The following TMEM132D variants were observed in gnomAD, a reference collection of about 807,000 sequenced individuals.
TMEM132D encodes the protein transmembrane protein 132D, also known as mature OL transmembrane protein.
A neutral mutation model predicts 62.3 loss-of-function variants in TMEM132D; 21 were observed. The observed-to-expected ratio is 0.34, with a 90% CI of 0.24 to 0.49. The LOEUF (loss-of-function observed/expected upper bound fraction) is 0.49, where lower values mean the gene tolerates loss of function less well. Among genes scored for constraint, TMEM132D ranks in the 20% least tolerant of loss-of-function variants. TMEM132D has a pLI of 0.99. For missense variants in TMEM132D, 1,346 were observed against 1,402.8 expected (o/e 0.96, Z 0.65); for synonymous variants, 621 against 575.6 (o/e 1.08, Z -1.13).
chr12:129,487,936 CAAAAAAAAAAAAAA>C (rs58079383), intron 3 of TMEM132D, among the ~76,000 whole-genome samples: 1 of 54,690 alleles, frequency 1.8e-5, no homozygotes, highest in African/African-American at 8.1e-5. Context: ...GACTCCATCT[CAAAAAAAAAAAAAA>C]AAAAAAAAAA....
At chr12:129,507,858 A>C (rs1875384031) in intron 3 of TMEM132D, among the ~76,000 whole-genome samples, 1 of 152,188 alleles carries the variant, frequency 6.6e-6, no homozygotes, top group Non-Finnish European at 1.5e-5. Context: ...AACCTATGGA[A>C]ACAAAAAACA....
At chr12:129,518,966 T>C (rs529108733) in intron 3 of TMEM132D, among the ~76,000 whole-genome samples, 13 of 152,192 alleles carry the variant, frequency 8.5e-5, no homozygotes, top group African/African-American at 2.4e-4. Context: ...TAGGAAGTTC[T>C]TTGAAGCTTT....
chr12:129,550,323 C>A (rs1335819942), intron 2 of TMEM132D, among the ~76,000 whole-genome samples: 1 of 152,106 alleles, frequency 6.6e-6, no homozygotes, highest in African/African-American at 2.4e-5. Context: ...AGGATTAATT[C>A]CTCTGCCTTT....
chr12:129,706,342 G>T (rs1881506897), intron 1 of TMEM132D, among the ~76,000 whole-genome samples: 1 of 151,120 alleles, frequency 6.6e-6, no homozygotes, highest in Non-Finnish European at 1.5e-5. Flanking sequence ...AGAAAACTGG[G>T]GTCACAACTT....
chr12:129,122,817 T>G (rs1391592908), intron 5 of TMEM132D, among the ~76,000 whole-genome samples: 2 of 152,230 alleles, frequency 1.3e-5, no homozygotes, highest in Non-Finnish European at 2.9e-5. Flanking sequence ...AATGCCTTAC[T>G]TATTTGACAT....
intron 1 of TMEM132D, among the ~76,000 whole-genome samples, chr12:129,876,494 A>G (rs1874420839): frequency 6.6e-6 from 1 of 152,192 alleles, no homozygotes; most frequent in Non-Finnish European, 1.5e-5. Flanking sequence ...TCATGAACAC[A>G]TTTGTCAGGA....
chr12:129,545,588 A>C (rs1343387892), intron 2 of TMEM132D, among the ~76,000 whole-genome samples: 5 of 152,074 alleles, frequency 3.3e-5, no homozygotes, highest in Non-Finnish European at 5.9e-5. Context: ...CATAACTGAG[A>C]CTTCATGCCC....
intron 4 of TMEM132D, among the ~76,000 whole-genome samples, chr12:129,293,239 T>C (rs1336474326): frequency 6.6e-6 from 1 of 152,206 alleles, no homozygotes; most frequent in East Asian, 1.9e-4. Flanking sequence ...CAGTTCACCA[T>C]GTAGGTGGGG....
At chr12:129,546,665 G>A (rs921819833) in intron 2 of TMEM132D, among the ~76,000 whole-genome samples, 3 of 152,064 alleles carry the variant, frequency 2.0e-5, no homozygotes, top group African/African-American at 7.2e-5. Flanking sequence ...GCCAGGCGTG[G>A]TGGCATACAC....
intron 2 of TMEM132D, among the ~76,000 whole-genome samples, chr12:129,581,320 T>C (rs532744146): frequency 6.6e-6 from 1 of 152,306 alleles, no homozygotes; most frequent in Admixed American, 6.5e-5. Flanking sequence ...ACTAGGGTTC[T>C]CTAGAGGGAC....
intron 1 of TMEM132D, among the ~76,000 whole-genome samples, chr12:129,761,284 A>G (rs1303641877): frequency 1.3e-5 from 2 of 152,058 alleles, no homozygotes; most frequent in African/African-American, 4.8e-5. Flanking sequence ...GACCACCATG[A>G]TGAAAGACGG....
intron 3 of TMEM132D, among the ~76,000 whole-genome samples, chr12:129,423,463 A>G (rs563768444): frequency 6.6e-6 from 1 of 152,312 alleles, no homozygotes; most frequent in African/African-American, 2.4e-5. Context: ...TTGGGTTAGC[A>G]AATGGATTTC....
chr12:129,115,525 C>T (rs1353492601), intron 5 of TMEM132D, among the ~76,000 whole-genome samples: 2 of 152,104 alleles, frequency 1.3e-5, no homozygotes, highest in East Asian at 1.9e-4. Flanking sequence ...AGAGGGCTGG[C>T]GTCAGGGCAT....
chr12:129,318,217 C>T (rs1053502664), intron 4 of TMEM132D, among the ~76,000 whole-genome samples: 2 of 152,066 alleles, frequency 1.3e-5, no homozygotes, highest in Non-Finnish European at 2.9e-5. Context: ...ATTGAAGAGC[C>T]TTGTTTTGTC....
At chr12:129,145,434 G>T (rs796222338) in intron 5 of TMEM132D, among the ~76,000 whole-genome samples, 2 of 152,260 alleles carry the variant, frequency 1.3e-5, no homozygotes, top group East Asian at 1.9e-4. Flanking sequence ...ATGGGCAGGT[G>T]CATTTGCTAG....
chr12:129,801,201 G>A (rs1871767756), intron 1 of TMEM132D, among the ~76,000 whole-genome samples: 1 of 152,220 alleles, frequency 6.6e-6, no homozygotes, highest in African/African-American at 2.4e-5. Flanking sequence ...CTCCAACTGG[G>A]TGGAGCCCAC....
chr12:129,685,712 G>A (rs1424582859), intron 2 of TMEM132D, among the ~76,000 whole-genome samples: 2 of 152,154 alleles, frequency 1.3e-5, no homozygotes, highest in African/African-American at 2.4e-5. Context: ...TCTGCCACAT[G>A]CCCTGAAAAG....
chr12:129,742,741 A>C (rs1037112411), intron 1 of TMEM132D, among the ~76,000 whole-genome samples: 1 of 152,154 alleles, frequency 6.6e-6, no homozygotes, highest in African/African-American at 2.4e-5. Flanking sequence ...CCTTAAAACA[A>C]ATTGCTGTCT....
intron 2 of TMEM132D, among the ~76,000 whole-genome samples, chr12:129,603,704 C>A (rs111710474): frequency 0.099 from 15,057 of 152,166 alleles, 862 homozygotes; most frequent in African/African-American, 0.15. Flanking sequence ...AAAAGGAACA[C>A]TTTTACACTG....
Sources: gnomAD v4.1 joint callset for allele counts (sites outside exome capture counted in the v4.1 genomes callset) on GRCh38, gnomAD v4.1.1 for gene constraint, MANE v1.5 for transcripts, NCBI Gene and HGNC (gene_info 2026-07-23, HGNC 2026-07-21) for gene names.